Variants in CA10 observed in about 807,000 individuals in gnomAD.
CA10 encodes carbonic anhydrase-related protein 10.
Under a neutral mutation model 44.2 loss-of-function variants are expected in CA10, and 14 were observed. The observed-to-expected ratio is 0.32, with a 90% CI of 0.21 to 0.50. The LOEUF is 0.50. Ranked by LOEUF, CA10 falls within the 20% of genes least tolerant of loss-of-function variation. The probability of loss-of-function intolerance (pLI) is 0.99; values close to 1 mark genes in which losing one functional copy is unlikely to be tolerated. For synonymous variants in CA10, 159 were observed against 141.6 expected, an observed-to-expected ratio of 1.12 and a Z score of -0.87; for missense variants, 350 against 409.7, an observed-to-expected ratio of 0.85 and a Z score of 1.26.
chr17:51,697,682 T>G lies in CA10; in HGVS notation c.466-43946A>C, dbSNP rs114343933. 4.9e-3 allele frequency among the ~76,000 whole-genome samples: 749 copies of G among 152,328 alleles called. 9 individuals carry two copies. The highest frequency in any genetic ancestry group is 0.017 in the African/African-American group (711 of 41,576). ...CAGGGTCTTCGTGTTTTACACTGGT[T>G]TATCCCCAGCAACTAGAACACAGCC... On this transcript the variant is annotated intron_variant, in intron 4 of 8. Transcript: ENST00000451037.
chr17:52,099,477 G>T (rs556426880), intron 1 of CA10, among the ~76,000 whole-genome samples: 6 of 152,120 alleles, frequency 3.9e-5, no homozygotes, highest in Non-Finnish European at 8.8e-5. Context: ...TTTGTTTTTG[G>T]CATCAGCAGT....
chr17:51,896,263 C>A (rs2143919819), intron 3 of CA10, among the ~76,000 whole-genome samples: 1 of 151,908 alleles, frequency 6.6e-6, no homozygotes, highest in South Asian at 2.1e-4. Context: ...CTCAAGGAGG[C>A]CCCAGTGTCT....
chr17:51,969,995 T>C (rs946672915), intron 2 of CA10, among the ~76,000 whole-genome samples: 3 of 152,022 alleles, frequency 2.0e-5, no homozygotes, highest in Non-Finnish European at 2.9e-5. Flanking sequence ...CTGAGTGAGC[T>C]GTTTGTAGAG....
intron 4 of CA10, among the ~76,000 whole-genome samples, chr17:51,713,055 G>T (rs934350393): frequency 6.6e-6 from 1 of 152,188 alleles, no homozygotes; most frequent in Non-Finnish European, 1.5e-5. Context: ...GGCCATCACA[G>T]AAACTCAGCC....
chr17:51,990,895 T>C (rs748231341), intron 2 of CA10, among the ~76,000 whole-genome samples: 2 of 152,094 alleles, frequency 1.3e-5, no homozygotes, highest in South Asian at 4.1e-4. Context: ...GTATCATAGA[T>C]GGCCCCAGTC....
rs185715926 is a variant in CA10, at chr17:52,137,350, C to T, written c.61+20376G>A. On this transcript the variant is annotated intron_variant, in intron 1 of 8. Transcript: ENST00000451037. The stretch of plus-strand genomic sequence containing the variant: ...AAATAATATAAAATATTACTATTAT[C>T]TGTAACACACAGGAATCACTCAATA... 2.6e-5 allele frequency among the ~76,000 whole-genome samples: 4 copies of T among 152,250 alleles called. No homozygotes were observed. The East Asian group carries it at 5.8e-4, about 22-fold the overall frequency.
At chr17:51,648,220 C>T (rs1285214120) in intron 6 of CA10, among the ~76,000 whole-genome samples, 1 of 152,194 alleles carries the variant, frequency 6.6e-6, no homozygotes, top group African/African-American at 2.4e-5. Flanking sequence ...GCAGCAGACA[C>T]AGCTGAGCTC....
At chr17:51,793,255 T>C (rs564774484) in intron 3 of CA10, among the ~76,000 whole-genome samples, 12 of 152,320 alleles carry the variant, frequency 7.9e-5, no homozygotes, top group African/African-American at 2.9e-4. Context: ...TGCCTGAATG[T>C]CCTGACAACT....
chr17:51,991,801 C>T (rs990069123), intron 2 of CA10, among the ~76,000 whole-genome samples: 1 of 152,094 alleles, frequency 6.6e-6, no homozygotes, highest in Non-Finnish European at 1.5e-5. Flanking sequence ...AAGAGCGAAA[C>T]TCCATTTCAA....
At chr17:51,860,815 C>T (rs1979268781) in intron 3 of CA10, among the ~76,000 whole-genome samples, 1 of 152,074 alleles carries the variant, frequency 6.6e-6, no homozygotes, top group African/African-American at 2.4e-5. Context: ...AGAATAGACG[C>T]CCCTCCAGCA....
intron 1 of CA10, among the ~76,000 whole-genome samples, chr17:52,098,638 T>G (rs187795827): frequency 1.3e-5 from 2 of 152,292 alleles, no homozygotes; most frequent in East Asian, 1.9e-4. Flanking sequence ...TATGGAGATA[T>G]GTTTTTGTAT....
At chr17:51,885,561 C>T (rs994277020) in intron 3 of CA10, among the ~76,000 whole-genome samples, 6 of 152,222 alleles carry the variant, frequency 3.9e-5, no homozygotes, top group Admixed American at 2.6e-4. Flanking sequence ...TCAGTTCTCA[C>T]TCTGAAACCT....
intron 3 of CA10, among the ~76,000 whole-genome samples, chr17:51,920,664 G>A (rs1165454020): frequency 6.6e-6 from 1 of 152,134 alleles, no homozygotes; most frequent in Non-Finnish European, 1.5e-5. Context: ...GAACTGCCAA[G>A]ACAGTGAGCG....
At chr17:51,735,474 C>T (rs530885544) in intron 4 of CA10, among the ~76,000 whole-genome samples, 10 of 152,188 alleles carry the variant, frequency 6.6e-5, no homozygotes, top group South Asian at 2.1e-4. Context: ...TATCCCAAAC[C>T]TCAGCATCGC....
intron 4 of CA10, among the ~76,000 whole-genome samples, chr17:51,695,113 TG>T (rs1215623580): frequency 2.0e-5 from 3 of 152,342 alleles, no homozygotes; most frequent in African/African-American, 7.2e-5. Context: ...TTGTTCTTTT[TG>T]CTTAGGATTG....
chr17:51,944,179 T>C (rs1983189349), intron 2 of CA10, among the ~76,000 whole-genome samples: 1 of 152,188 alleles, frequency 6.6e-6, no homozygotes. Context: ...CATTTTAAAA[T>C]GAACGGTCAT....
intron 4 of CA10, among the ~76,000 whole-genome samples, chr17:51,715,122 A>C (rs1916058199): frequency 6.6e-6 from 1 of 152,156 alleles, no homozygotes; most frequent in African/African-American, 2.4e-5. Context: ...AAGGACAAAA[A>C]ACCAAACACC....
At chr17:52,054,480 C>T (rs1242424346) in intron 2 of CA10, among the ~76,000 whole-genome samples, 2 of 152,116 alleles carry the variant, frequency 1.3e-5, no homozygotes, top group South Asian at 4.1e-4. Flanking sequence ...GTCCTGTGAT[C>T]TCACCCTGCC....
chr17:52,087,735 G>A (rs1424103838), intron 1 of CA10, among the ~76,000 whole-genome samples: 1 of 152,084 alleles, frequency 6.6e-6, no homozygotes, highest in Non-Finnish European at 1.5e-5. Context: ...ATATGAAACA[G>A]CATGTTCAGA....
Sources: gnomAD v4.1 joint callset for allele counts (sites outside exome capture counted in the v4.1 genomes callset) on GRCh38, gnomAD v4.1.1 for gene constraint, MANE v1.5 for transcripts, NCBI Gene and HGNC (gene_info 2026-07-23, HGNC 2026-07-21) for gene names.